SEMA6D: variants seen among roughly 807,000 people sequenced by gnomAD.
The protein encoded by SEMA6D is semaphorin 6D.
SEMA6D carries 35 observed loss-of-function variants against 106.6 expected under a neutral mutation model. The observed-to-expected ratio is 0.33, with a 90% CI of 0.25 to 0.44. SEMA6D has a LOEUF of 0.44. SEMA6D is among the 20% of genes least tolerant of loss of function. The probability of loss-of-function intolerance (pLI) is 1.00; values close to 1 mark genes in which losing one functional copy is unlikely to be tolerated. For missense variants in SEMA6D, 1,185 were observed against 1,345.9 expected, an observed-to-expected ratio of 0.88 and a Z score of 1.87; for synonymous variants, 499 against 487.7, an observed-to-expected ratio of 1.02 and a Z score of -0.31.
At chr15:47,620,007 A>G (rs1038707222) in intron 4 of SEMA6D, among the ~76,000 whole-genome samples, 2 of 152,102 alleles carry the variant, frequency 1.3e-5, no homozygotes, top group Non-Finnish European at 2.9e-5. Flanking sequence ...GACTGAAAGG[A>G]TGTGTCTTAG....
intron 3 of SEMA6D, among the ~76,000 whole-genome samples, chr15:47,548,708 CAGATGTGCACA>C (rs1290889465): frequency 6.6e-6 from 1 of 152,100 alleles, no homozygotes; most frequent in Non-Finnish European, 1.5e-5. Flanking sequence ...AAAATACACA[CAGATGTGCACA>C]TACACATATA....
At chr15:47,378,812 A>G (rs900127786) in intron 1 of SEMA6D, among the ~76,000 whole-genome samples, 1 of 152,226 alleles carries the variant, frequency 6.6e-6, no homozygotes, top group African/African-American at 2.4e-5. Context: ...TTAATAAATA[A>G]ACTGCTCTCT....
At chr15:47,433,296 T>A (rs187121849) in intron 2 of SEMA6D, among the ~76,000 whole-genome samples, 352 of 152,118 alleles carry the variant, frequency 2.3e-3, no homozygotes, top group African/African-American at 8.2e-3. Context: ...AGGTTGTACA[T>A]TTATTGATCT....
Position 47,333,457 on chromosome 15 carries a change from A to G in SEMA6D, c.-238-78936A>G, listed in dbSNP as rs138852785. 7.4e-4 allele frequency among the ~76,000 whole-genome samples: 112 copies of G among 152,308 alleles called. No individual in the cohort carries two copies. In the East Asian group the frequency reaches 0.019, roughly 26 times the overall value. On this transcript the variant is annotated intron_variant, in intron 1 of 19. Transcript: ENST00000558014. ...TGTAGTTCAGATCAAAAGGCCATAC[A>G]AAACACCCCACTGTCCATTTTGTAA...
intron 1 of SEMA6D, among the ~76,000 whole-genome samples, chr15:47,303,633 TG>T (rs1465690113): frequency 2.6e-5 from 4 of 152,254 alleles, no homozygotes; most frequent in African/African-American, 9.6e-5. Context: ...TTTGGTTTGC[TG>T]AGGTATTTCC....
intron 3 of SEMA6D, among the ~76,000 whole-genome samples, chr15:47,538,854 A>G (rs1364128978): frequency 1.3e-5 from 2 of 152,228 alleles, no homozygotes; most frequent in Non-Finnish European, 2.9e-5. Flanking sequence ...TTGGTTATTT[A>G]AAGAGGATAC....
intron 3 of SEMA6D, among the ~76,000 whole-genome samples, chr15:47,486,632 A>T (rs1237440831): frequency 6.6e-6 from 1 of 152,240 alleles, no homozygotes; most frequent in Non-Finnish European, 1.5e-5. Context: ...ACCCTGCTGA[A>T]ACCAGCTTTT....
intron 2 of SEMA6D, among the ~76,000 whole-genome samples, chr15:47,448,245 C>T (rs559499830): frequency 1.2e-4 from 18 of 152,168 alleles, no homozygotes; most frequent in African/African-American, 3.1e-4. Context: ...ACGCCTGGGC[C>T]GGGATCTTTG....
intron 3 of SEMA6D, among the ~76,000 whole-genome samples, chr15:47,491,826 G>T (rs1383515910): frequency 2.0e-5 from 3 of 152,160 alleles, no homozygotes; most frequent in Admixed American, 2.0e-4. Context: ...TTTGGTCAGT[G>T]CTCTAATTGT....
At chr15:47,634,729 CTCTG>C (rs1596492105) in intron 4 of SEMA6D, among the ~76,000 whole-genome samples, 1 of 151,454 alleles carries the variant, frequency 6.6e-6, no homozygotes, top group Non-Finnish European at 1.5e-5. Context: ...GTAGCACTGC[CTCTG>C]TCTGTCAGGC....
At chr15:47,614,400 C>G (rs1440978134) in intron 4 of SEMA6D, among the ~76,000 whole-genome samples, 3 of 152,196 alleles carry the variant, frequency 2.0e-5, no homozygotes, top group Non-Finnish European at 4.4e-5. Context: ...TTTGTTGTAT[C>G]AAGTGCCAAA....
intron 1 of SEMA6D, among the ~76,000 whole-genome samples, chr15:47,370,382 G>A (rs1203125193): frequency 6.6e-6 from 1 of 152,038 alleles, no homozygotes; most frequent in Non-Finnish European, 1.5e-5. Flanking sequence ...AGGCTTGATG[G>A]TTCATGCATA....
intron 1 of SEMA6D, among the ~76,000 whole-genome samples, chr15:47,398,645 A>T (rs1385704876): frequency 3.3e-5 from 5 of 152,208 alleles, no homozygotes; most frequent in Admixed American, 2.6e-4. Context: ...GGAAGATATC[A>T]TAAATTTAAG....
At chr15:47,422,207 T>TTCCTTCCA (rs2041191588) in intron 2 of SEMA6D, among the ~76,000 whole-genome samples, 1 of 150,470 alleles carries the variant, frequency 6.6e-6, no homozygotes, top group Non-Finnish European at 1.5e-5. Flanking sequence ...CCTTCCTTCC[T>TTCCTTCCA]TCCTTCCTTC....
rs184169905 is a variant in SEMA6D, at chr15:47,667,345, G to A, written c.-55+66449G>A. Among the ~76,000 whole-genome samples, 332 of 152,280 alleles carry A rather than the reference G, an allele frequency of 2.2e-3. 11 individuals carry two copies. In the South Asian group the frequency reaches 0.053, roughly 24 times the overall value. ...AAACACCATTCAAACACAAAATCAC[G>A]TAGATTTGTATAGAGCTACACATAT... On this transcript the variant is annotated intron_variant, in intron 4 of 19. Coordinates refer to the SEMA6D transcript ENST00000558014.
chr15:47,493,944 G>T, intron 3 of SEMA6D, among the ~76,000 whole-genome samples: 1 of 152,040 alleles, frequency 6.6e-6, no homozygotes, highest in East Asian at 1.9e-4. Flanking sequence ...AATCTGCAGT[G>T]GACAATTCAA....
chr15:47,762,701 A>AT (rs2082128795), intron 8 of SEMA6D, among the ~76,000 whole-genome samples: 1 of 152,186 alleles, frequency 6.6e-6, no homozygotes, highest in South Asian at 2.1e-4. Flanking sequence ...AGAAATCAAG[A>AT]TTTTTTATTT....
intron 1 of SEMA6D, among the ~76,000 whole-genome samples, chr15:47,294,201 A>G (rs552537619): frequency 1.3e-5 from 2 of 151,822 alleles, no homozygotes; most frequent in African/African-American, 4.8e-5. Context: ...TTTTATTCCT[A>G]CTTTGTGACA....
intron 2 of SEMA6D, among the ~76,000 whole-genome samples, chr15:47,464,341 T>A (rs1237908886): frequency 6.6e-6 from 1 of 152,124 alleles, no homozygotes; most frequent in African/African-American, 2.4e-5. Context: ...GCTATTGTAA[T>A]AAATTCAGCC....
Sources: gnomAD v4.1 joint callset for allele counts (sites outside exome capture counted in the v4.1 genomes callset) on GRCh38, gnomAD v4.1.1 for gene constraint, MANE v1.5 for transcripts, NCBI Gene and HGNC (gene_info 2026-07-23, HGNC 2026-07-21) for gene names.